The following PLOD2 variants were observed in gnomAD, a reference collection of about 807,000 sequenced individuals.
PLOD2 encodes procollagen-lysine,2-oxoglutarate 5-dioxygenase 2, also known as lysine hydroxylase 2.
In PLOD2, 65 loss-of-function variants were observed where a neutral mutation model predicts 101.0. That is an observed-to-expected ratio of 0.64 (90% CI 0.53 to 0.79). The LOEUF is 0.79. Ranked by LOEUF, PLOD2 falls within the 30% of genes least tolerant of loss-of-function variation. The pLI is 0.00. For missense variants in PLOD2, 909 were observed against 914.6 expected (o/e 0.99, Z 0.08); for synonymous variants, 314 against 302.9 (o/e 1.04, Z -0.38).
At chr3:146,151,305 CT>C (rs1443364273) in intron 1 of PLOD2, among the ~76,000 whole-genome samples, 5 of 152,034 alleles carry the variant, frequency 3.3e-5, no homozygotes, top group Non-Finnish European at 5.9e-5. Context: ...CAAGACCAGC[CT>C]GACAAAAATA....
chr3:146,119,525 T>C (rs550375885), intron 3 of PLOD2, among the ~76,000 whole-genome samples: 28 of 152,248 alleles, frequency 1.8e-4, no homozygotes, highest in African/African-American at 6.3e-4. Context: ...ATGTGCCATG[T>C]TGGTGTGCTG....
rs758353675 is a variant in PLOD2 at position 146,079,202 on chromosome 3, G to A, written c.1414C>T (p.Leu472Phe). ...TTCCTTTCATTCATCTCTGATCGGA[G>A]TGTCTTTCCTTTAATTAAGTACACA... ...ANVYLIKGKT[L>F]RSEMNERNYF... The change falls in exon 13 of 20, where the codon CTC becomes TTC. Residue 472 changes from leucine (L) to phenylalanine (F), a missense_variant. Transcript: ENST00000282903. 21 of 1,610,132 alleles carry A rather than the reference G, an allele frequency of 1.3e-5. No individual in the cohort carries two copies. Among genetic ancestry groups the A allele is most frequent in the Admixed American group, 1.7e-5 (1 of 59,928 alleles).
At chr3:146,153,444 A>G (rs1305270774) in intron 1 of PLOD2, among the ~76,000 whole-genome samples, 1 of 152,144 alleles carries the variant, frequency 6.6e-6, no homozygotes, top group African/African-American at 2.4e-5. Context: ...TGTGTGCAGC[A>G]TCTGTTAAGT....
chr3:146,096,300 C>T (rs1234219959), intron 7 of PLOD2, among the ~76,000 whole-genome samples: 10 of 81,228 alleles, frequency 1.2e-4, no homozygotes, highest in Admixed American at 3.6e-4. Flanking sequence ...TCTGCCCGGC[C>T]GCCACCCCGT....
chr3:146,129,813 C>T (rs1204672310), intron 1 of PLOD2, among the ~76,000 whole-genome samples: 2 of 152,082 alleles, frequency 1.3e-5, no homozygotes, highest in Non-Finnish European at 2.9e-5. Context: ...TCTAGATACG[C>T]CTTCTCAAAT....
intron 3 of PLOD2, among the ~76,000 whole-genome samples, 166 bp from the exon 4 acceptor site, chr3:146,110,614 A>C (rs1013331905): frequency 2.6e-5 from 4 of 152,212 alleles, no homozygotes; most frequent in Non-Finnish European, 4.4e-5. Context: ...CTCAACTTAA[A>C]TTATATGAAT....
chr3:146,078,385 A>G (rs1936418122), intron 13 of PLOD2, among the ~76,000 whole-genome samples: 1 of 151,930 alleles, frequency 6.6e-6, no homozygotes, highest in South Asian at 2.1e-4. Context: ...ATACTTGCCA[A>G]CTTTTCTGAC....
chr3:146,119,445 CT>C (rs145017515), intron 3 of PLOD2, among the ~76,000 whole-genome samples: 10 of 151,074 alleles, frequency 6.6e-5, no homozygotes, highest in South Asian at 4.2e-4. Flanking sequence ...ACTTTTGCCT[CT>C]TTTTTTTTAT....
intron 13 of PLOD2, 105 bp from the exon 14 acceptor site, chr3:146,078,029 C>G: frequency 1.3e-6 from 1 of 769,022 alleles, no homozygotes; most frequent in South Asian, 1.4e-5. Flanking sequence ...AGCTAACATT[C>G]TGAAATGTCC....
In PLOD2 at chr3:146,110,302, C is replaced by T. The variant is rs771339886; in HGVS notation, c.485G>A (p.Arg162His). ...DKYPVVHIGKRYLNSGGFIGY... is the reference protein window; with the variant it reads ...DKYPVVHIGKHYLNSGGFIGY... ...TAACTCACCTCCTGAATTCAGATAGCGTTTCCCAATGTGCACAACAGGATA... is the reference window on the plus strand; with the variant it reads ...TAACTCACCTCCTGAATTCAGATAGTGTTTCCCAATGTGCACAACAGGATA... Residue 162 changes from arginine (R) to histidine (H), a missense_variant, in exon 4 of 20, where the codon CGC becomes CAC. Physicochemically the swap from Arg to His is conservative, Grantham distance 29. Transcript: ENST00000282903. 8.1e-6 allele frequency: 13 copies of T among 1,613,528 alleles called. No homozygotes were observed. Among genetic ancestry groups the T allele is most frequent in the South Asian group, 2.2e-5 (2 of 91,068 alleles).
At position 146,070,611 on chromosome 3, in the gene PLOD2, G is replaced by C. The variant is rs1218457056; in HGVS notation, c.*106C>G. The C allele has an allele frequency of 2.8e-6, 2 of 716,808 alleles. No homozygotes were observed. The highest frequency in any genetic ancestry group is 1.8e-5 in the African/African-American group (1 of 55,634). The allele number at this position is 716,808 out of a possible 1,614,324, so 44.4% of individuals were successfully genotyped here. Reference sequence around the variant, plus strand: ...TGGCCCAAAGTGAAGTTGTTCTGTTGATGTTATTTAAATATTCCTCTCATC... The same window carrying C: ...TGGCCCAAAGTGAAGTTGTTCTGTTCATGTTATTTAAATATTCCTCTCATC... On this transcript the variant is annotated 3_prime_UTR_variant, in exon 20 of 20. Transcript: ENST00000282903.
intron 1 of PLOD2, among the ~76,000 whole-genome samples, chr3:146,147,303 A>G (rs2031824658): frequency 6.6e-6 from 1 of 152,216 alleles, no homozygotes; most frequent in South Asian, 2.1e-4. Context: ...ACCTGGAAAT[A>G]TAATCCCCCC....
At chr3:146,092,700 A>G (rs1937017235) in intron 7 of PLOD2, among the ~76,000 whole-genome samples, 1 of 151,752 alleles carries the variant, frequency 6.6e-6, no homozygotes, top group Non-Finnish European at 1.5e-5. Context: ...TGTTTTGGGG[A>G]GGGGTGGTGT....
At chr3:146,132,657 G>A (rs2030987469) in intron 1 of PLOD2, among the ~76,000 whole-genome samples, 1 of 151,822 alleles carries the variant, frequency 6.6e-6, no homozygotes, top group South Asian at 2.1e-4. Context: ...ACCCACATGT[G>A]TGCTTTGGTC....
intron 2 of PLOD2, 35 bp downstream of exon 2, chr3:146,124,100 CATT>C (rs1308114079): frequency 2.9e-6 from 3 of 1,024,082 alleles, no homozygotes; most frequent in Non-Finnish European, 4.7e-6. Flanking sequence ...TTTAGGCACA[CATT>C]ATAGGATCTT....
intron 1 of PLOD2, among the ~76,000 whole-genome samples, chr3:146,134,690 T>C (rs1191904960): frequency 2.0e-5 from 3 of 152,204 alleles, no homozygotes; most frequent in South Asian, 2.1e-4. Context: ...AGGGGATCAA[T>C]AGTAAAGTCA....
At chr3:146,103,593 T>C (rs969584225) in intron 6 of PLOD2, among the ~76,000 whole-genome samples, 14 of 151,964 alleles carry the variant, frequency 9.2e-5, no homozygotes, top group Admixed American at 3.9e-4. Context: ...GCTGGGACTA[T>C]AGGCACGCAC....
At chr3:146,072,500 C>T in intron 17 of PLOD2, 61 bp downstream of exon 17, 1 of 1,023,080 alleles carries the variant, frequency 9.8e-7, no homozygotes. Flanking sequence ...CCTCCGAATT[C>T]TCTGAGTATC....
intron 5 of PLOD2, 42 bp from the exon 6 acceptor site, chr3:146,104,384 A>C: frequency 1.1e-6 from 1 of 934,916 alleles, no homozygotes; most frequent in Non-Finnish European, 1.8e-6. Context: ...ATGACAACAA[A>C]AACAGCAAAC....
Sources: gnomAD v4.1 joint callset for allele counts (sites outside exome capture counted in the v4.1 genomes callset) on GRCh38, gnomAD v4.1.1 for gene constraint, MANE v1.5 for transcripts, NCBI Gene and HGNC (gene_info 2026-07-23, HGNC 2026-07-21) for gene names.